The following IFT25 variants were observed in gnomAD, a reference collection of about 807,000 sequenced individuals.
The protein encoded by IFT25 is intraflagellar transport protein 25 homolog.
chr1:53,932,063 T>C, the IFT25 span, among the ~76,000 whole-genome samples: 1 of 152,198 alleles, frequency 6.6e-6, no homozygotes, highest in Non-Finnish European at 1.5e-5. Context: ...TTAGAAATAC[T>C]TTCTAAGGCC....
chr1:53,919,796 C>CTTTT, the IFT25 span, among the ~76,000 whole-genome samples: 10,861 of 145,558 alleles, frequency 0.075, 726 homozygotes, highest in African/African-American at 0.18. Flanking sequence ...AACTTTTTTC[C>CTTTT]TTTTTTTTTT....
At chr1:53,919,006 T>C in the IFT25 span, among the ~76,000 whole-genome samples, 1 of 152,062 alleles carries the variant, frequency 6.6e-6, no homozygotes, top group African/African-American at 2.4e-5. Flanking sequence ...ACCTGGCTAA[T>C]TTTGTATTTT....
chr1:53,923,552 C>T, the IFT25 span: 1 of 217,728 alleles, frequency 4.6e-6, no homozygotes, highest in South Asian at 7.5e-5. Context: ...CTTAAATTAA[C>T]ATTCAATTTT....
chr1:53,930,036 T>A, the IFT25 span: 1 of 1,545,788 alleles, frequency 6.5e-7, no homozygotes, highest in Non-Finnish European at 8.6e-7. Flanking sequence ...AAGATTTGCT[T>A]ACCAAAGTAA....
At chr1:53,943,774 C>A in the IFT25 span, among the ~76,000 whole-genome samples, 1 of 152,154 alleles carries the variant, frequency 6.6e-6, no homozygotes, top group East Asian at 1.9e-4. Flanking sequence ...CAGGCATGCA[C>A]CACCACGGCC....
the IFT25 span, among the ~76,000 whole-genome samples, chr1:53,935,209 A>G: frequency 6.6e-6 from 1 of 152,156 alleles, no homozygotes; most frequent in Non-Finnish European, 1.5e-5. Flanking sequence ...GCTACTCGGG[A>G]GGCTGAGGCA....
the IFT25 span, among the ~76,000 whole-genome samples, chr1:53,915,766 C>G: frequency 6.6e-6 from 1 of 152,140 alleles, no homozygotes; most frequent in African/African-American, 2.4e-5. Flanking sequence ...GCAGAGGAAA[C>G]AGCAAACACA....
At chr1:53,924,233 A>G in the IFT25 span, among the ~76,000 whole-genome samples, 1 of 152,214 alleles carries the variant, frequency 6.6e-6, no homozygotes, top group African/African-American at 2.4e-5. Context: ...ATAAAATGTG[A>G]AAATTTCTTT....
At chr1:53,916,688 C>A in the IFT25 span, 1 of 316,684 alleles carries the variant, frequency 3.2e-6, no homozygotes, top group East Asian at 4.6e-5. Flanking sequence ...TGTGATCTAG[C>A]CGTAATGTTC....
the IFT25 span, among the ~76,000 whole-genome samples, chr1:53,924,372 GAAACTTT>G: frequency 2.0e-5 from 3 of 152,188 alleles, no homozygotes; most frequent in Non-Finnish European, 4.4e-5. Context: ...GTTTCTCAGT[GAAACTTT>G]CACTATGATG....
At chr1:53,923,260 A>G in the IFT25 span, among the ~76,000 whole-genome samples, 6 of 151,914 alleles carry the variant, frequency 3.9e-5, no homozygotes, top group Admixed American at 2.6e-4. Context: ...TTTAACCCTC[A>G]TTTAGGGAAA....
At chr1:53,925,844 T>C in the IFT25 span, among the ~76,000 whole-genome samples, 3 of 151,872 alleles carry the variant, frequency 2.0e-5, no homozygotes, top group East Asian at 5.8e-4. Context: ...CTCACTCCTA[T>C]AATACCAGCA....
At chr1:53,925,413 CAT>C in the IFT25 span, among the ~76,000 whole-genome samples, 1 of 151,376 alleles carries the variant, frequency 6.6e-6, no homozygotes, top group East Asian at 1.9e-4. Flanking sequence ...GTAATCCCAG[CAT>C]TTTGGGAGGC....
At chr1:53,923,993 C>T in the IFT25 span, 1 of 1,189,956 alleles carries the variant, frequency 8.4e-7, no homozygotes, top group Non-Finnish European at 1.2e-6. Context: ...GGTCAAAATA[C>T]ATGAGAATAG....
chr1:53,940,936 T>C, the IFT25 span, among the ~76,000 whole-genome samples: 1 of 151,724 alleles, frequency 6.6e-6, no homozygotes, highest in African/African-American at 2.4e-5. Context: ...TCCCAGAACT[T>C]TGGGAGGCCA....
chr1:53,921,296 T>C, the IFT25 span, among the ~76,000 whole-genome samples: 1 of 152,254 alleles, frequency 6.6e-6, no homozygotes, highest in Admixed American at 6.5e-5. Context: ...CATTGTTTAC[T>C]GTCTATATTG....
At chr1:53,939,221 C>G in the IFT25 span, among the ~76,000 whole-genome samples, 1 of 150,796 alleles carries the variant, frequency 6.6e-6, no homozygotes, top group Non-Finnish European at 1.5e-5. Context: ...GAAATCCCAT[C>G]TCTACTAAAA....
the IFT25 span, among the ~76,000 whole-genome samples, chr1:53,918,818 T>C: frequency 6.6e-6 from 1 of 152,112 alleles, no homozygotes; most frequent in Non-Finnish European, 1.5e-5. Context: ...GTAGCATTAA[T>C]GGCTCCCTCT....
chr1:53,923,970 G>A, the IFT25 span: 12 of 1,537,590 alleles, frequency 7.8e-6, no homozygotes, highest in African/African-American at 1.4e-5. Flanking sequence ...TGTAACAGAA[G>A]AAATGAGTTA....
Sources: gnomAD v4.1 joint callset for allele counts (sites outside exome capture counted in the v4.1 genomes callset) on GRCh38, gnomAD v4.1.1 for gene constraint, MANE v1.5 for transcripts, NCBI Gene and HGNC (gene_info 2026-07-23, HGNC 2026-07-21) for gene names.